The following TENM4 variants were observed in gnomAD, a reference collection of about 807,000 sequenced individuals.
The protein encoded by TENM4 is teneurin-4.
A neutral mutation model predicts 243.3 loss-of-function variants in TENM4; 82 were observed. The ratio of observed to expected loss-of-function variants is 0.34; its 90% CI spans 0.28 to 0.40. The LOEUF (loss-of-function observed/expected upper bound fraction) is 0.40, where lower values mean the gene tolerates loss of function less well. Among genes scored for constraint, TENM4 ranks in the 10% least tolerant of loss-of-function variants. The probability of loss-of-function intolerance (pLI) is 1.00; values close to 1 mark genes in which losing one functional copy is unlikely to be tolerated. For synonymous variants in TENM4, 1,412 were observed against 1,456.3 expected (o/e 0.97, Z 0.69); for missense variants, 3,138 against 3,673.3 (o/e 0.85, Z 3.77).
intron 18 of TENM4, among the ~76,000 whole-genome samples, chr11:78,761,828 G>C (rs576101427): frequency 6.6e-6 from 1 of 152,124 alleles, no homozygotes; most frequent in South Asian, 2.1e-4. Context: ...TTTATGCAGG[G>C]CCTCAGTTCC....
intron 27 of TENM4, among the ~76,000 whole-genome samples, chr11:78,703,124 G>A (rs643171): frequency 0.14 from 20,857 of 152,064 alleles, 1,702 homozygotes; most frequent in African/African-American, 0.23. Flanking sequence ...ACCCTTGGTG[G>A]GTGAAATCAG....
chr11:78,782,554 G>C (rs1174581401), intron 16 of TENM4, among the ~76,000 whole-genome samples: 2 of 152,122 alleles, frequency 1.3e-5, no homozygotes, highest in Non-Finnish European at 2.9e-5. Flanking sequence ...CCGAGGTCGT[G>C]CCACTGCACT....
intron 1 of TENM4, among the ~76,000 whole-genome samples, chr11:79,357,567 A>G (rs1033078691): frequency 1.3e-5 from 2 of 152,224 alleles, no homozygotes; most frequent in African/African-American, 2.4e-5. Context: ...GCTCTTGAAC[A>G]TGGTGGTACC....
intron 1 of TENM4, among the ~76,000 whole-genome samples, chr11:79,326,828 A>G (rs1193619587): frequency 1.3e-5 from 2 of 152,238 alleles, no homozygotes; most frequent in African/African-American, 4.8e-5. Context: ...AACCAGGTCT[A>G]TTTATCTCTG....
At chr11:78,814,141 TC>T (rs1857555765) in intron 13 of TENM4, among the ~76,000 whole-genome samples, 152 bp downstream of exon 13, 1 of 151,818 alleles carries the variant, frequency 6.6e-6, no homozygotes, top group Non-Finnish European at 1.5e-5. Flanking sequence ...CCTGCACACC[TC>T]CCTCCAAGGG....
At chr11:79,336,133 A>G (rs758435372) in intron 1 of TENM4, among the ~76,000 whole-genome samples, 3 of 152,242 alleles carry the variant, frequency 2.0e-5, no homozygotes, top group Non-Finnish European at 4.4e-5. Context: ...AATGGGGAAA[A>G]AAAATGTAAT....
intron 1 of TENM4, among the ~76,000 whole-genome samples, chr11:79,420,389 C>T (rs531806316): frequency 4.6e-5 from 7 of 152,316 alleles, no homozygotes; most frequent in African/African-American, 1.4e-4. Context: ...TGGACCATAT[C>T]ACTAAGACAG....
At chr11:79,351,301 G>A (rs925953421) in intron 1 of TENM4, among the ~76,000 whole-genome samples, 1 of 152,074 alleles carries the variant, frequency 6.6e-6, no homozygotes, top group African/African-American at 2.4e-5. Flanking sequence ...GTTGCTGTCT[G>A]CCTTCCCTTA....
intron 1 of TENM4, among the ~76,000 whole-genome samples, chr11:79,363,428 A>G (rs1282026954): frequency 3.9e-5 from 6 of 152,260 alleles, no homozygotes; most frequent in Non-Finnish European, 8.8e-5. Context: ...CTGCGATGTA[A>G]TAACTATGGA....
intron 1 of TENM4, among the ~76,000 whole-genome samples, chr11:79,429,982 G>T (rs2135606934): frequency 6.6e-6 from 1 of 152,284 alleles, no homozygotes; most frequent in African/African-American, 2.4e-5. Context: ...AGAACTGGGA[G>T]TTGTAGCTGA....
chr11:78,856,790 G>T (rs1398665404), intron 10 of TENM4, among the ~76,000 whole-genome samples: 1 of 152,204 alleles, frequency 6.6e-6, no homozygotes, highest in African/African-American at 2.4e-5. Context: ...AAATATTTCT[G>T]CAAAATGTTC....
intron 1 of TENM4, among the ~76,000 whole-genome samples, chr11:79,319,525 T>C (rs891465177): frequency 2.0e-5 from 3 of 151,978 alleles, no homozygotes; most frequent in African/African-American, 7.3e-5. Context: ...TAAGAAAAAA[T>C]ATAAAGTCAA....
At chr11:79,375,881 A>G (rs1041027383) in intron 1 of TENM4, among the ~76,000 whole-genome samples, 1 of 152,200 alleles carries the variant, frequency 6.6e-6, no homozygotes, top group Non-Finnish European at 1.5e-5. Context: ...GGCTGGCAGT[A>G]GGAAGTTTAG....
intron 3 of TENM4, among the ~76,000 whole-genome samples, chr11:79,197,864 C>T (rs919051471): frequency 2.6e-5 from 4 of 152,006 alleles, no homozygotes; most frequent in Non-Finnish European, 4.4e-5. Flanking sequence ...AAGGTAGAAG[C>T]CTTTCTGCAC....
At chr11:79,323,449 G>A (rs138030699) in intron 1 of TENM4, among the ~76,000 whole-genome samples, 2,556 of 152,288 alleles carry the variant, frequency 0.017, 79 homozygotes, top group African/African-American at 0.058. Context: ...GGGGGACTCA[G>A]CAGCAAACTG....
intron 7 of TENM4, among the ~76,000 whole-genome samples, chr11:78,893,539 A>C (rs544366063): frequency 6.6e-6 from 1 of 152,186 alleles, no homozygotes; most frequent in South Asian, 2.1e-4. Flanking sequence ...CTCAAGCCTC[A>C]TTTTCTATGC....
intron 7 of TENM4, among the ~76,000 whole-genome samples, chr11:78,895,853 G>C (rs1487884671): frequency 6.6e-6 from 1 of 152,214 alleles, no homozygotes; most frequent in African/African-American, 2.4e-5. Flanking sequence ...TGACCTCACA[G>C]CCCTGAGCTG....
chr11:78,888,202 A>G (rs1028942717), intron 9 of TENM4, among the ~76,000 whole-genome samples: 1 of 152,254 alleles, frequency 6.6e-6, no homozygotes, highest in Non-Finnish European at 1.5e-5. Context: ...TGTCATCAAT[A>G]TTCTCCATTT....
At chr11:79,048,052 C>T (rs1196834874) in intron 6 of TENM4, among the ~76,000 whole-genome samples, 1 of 152,150 alleles carries the variant, frequency 6.6e-6, no homozygotes, top group African/African-American at 2.4e-5. Context: ...ATACCTGGTA[C>T]AATTTTTCTT....
Sources: allele counts gnomAD v4.1 joint callset (sites outside exome capture counted in the v4.1 genomes callset), GRCh38; gene constraint gnomAD v4.1.1; transcripts MANE v1.5; gene names NCBI Gene and HGNC (gene_info 2026-07-23, HGNC 2026-07-21).